CNGB3: variants seen among roughly 807,000 people sequenced by gnomAD.
CNGB3 encodes cyclic nucleotide gated channel subunit beta 3.
CNGB3 carries 86 observed loss-of-function variants against 92.8 expected under a neutral mutation model. The ratio of observed to expected loss-of-function variants is 0.93; its 90% CI spans 0.78 to 1.11. CNGB3 has a LOEUF of 1.11. Among genes scored for constraint, CNGB3 ranks in the 50% least tolerant of loss-of-function variants. The probability of loss-of-function intolerance (pLI) is 0.00; values close to 1 mark genes in which losing one functional copy is unlikely to be tolerated. For synonymous variants in CNGB3, 333 were observed against 332.7 expected (o/e 1.00, Z -0.01); for missense variants, 1,026 against 956.8 (o/e 1.07, Z -0.95).
Position 86,604,327 on chromosome 8 carries a change from C to T in CNGB3, c.1663-116G>A, listed in dbSNP as rs984519712. 7 of 683,508 alleles carry T rather than the reference C, an allele frequency of 1.0e-5. No homozygotes were observed. The African/African-American group carries it at 1.3e-4, about 12-fold the overall frequency. 42.3% of individuals were successfully genotyped at this position (683,508 alleles called of 1,614,324 possible). A position where few individuals can be genotyped will look rare whatever the true frequency, so the allele number is the denominator to read the frequency against. On this transcript the variant is annotated intron_variant, in intron 14 of 17. Coordinates refer to ENST00000320005, the MANE Select transcript of CNGB3 (RefSeq NM_019098.5). ...AAATATAAATGAAGGAAGCAAAGAA[C>T]ATTAGTGTAAAATTAATTATCTTAA...
chr8:86,693,415 T>A (rs1432084931), intron 3 of CNGB3, among the ~76,000 whole-genome samples: 6 of 103,334 alleles, frequency 5.8e-5, no homozygotes, highest in African/African-American at 2.9e-4. Flanking sequence ...CTTTGTTCAT[T>A]TTTTTTTATT....
At position 86,574,314 on chromosome 8, in the gene CNGB3, T is replaced by C. The variant is rs1821616940; in HGVS notation, c.*1490A>G. 6.6e-6 allele frequency: 1 copy of C among 152,182 alleles called. No homozygotes were observed. Among genetic ancestry groups the C allele is most frequent in the Non-Finnish European group, 1.5e-5 (1 of 68,006 alleles). 9.4% of individuals were successfully genotyped at this position (152,182 alleles called of 1,614,324 possible). A position where few individuals can be genotyped will look rare whatever the true frequency, so the allele number is the denominator to read the frequency against. ...TGCTTCAGCCCTATTCTACCTTTTG[T>C]TTCTGGGTTTTTAAATCACCCTTTT... On this transcript the variant is annotated 3_prime_UTR_variant, in exon 18 of 18. Coordinates refer to ENST00000320005, the MANE Select transcript of CNGB3 (RefSeq NM_019098.5).
At chr8:86,638,752 T>C (rs1246074324) in intron 10 of CNGB3, among the ~76,000 whole-genome samples, 1 of 151,980 alleles carries the variant, frequency 6.6e-6, no homozygotes, top group East Asian at 1.9e-4. Flanking sequence ...ATCTGTTGAA[T>C]CTCCTTCTGA....
At chr8:86,703,600 GC>G (rs1279330990) in intron 3 of CNGB3, among the ~76,000 whole-genome samples, 1 of 152,152 alleles carries the variant, frequency 6.6e-6, no homozygotes, top group African/African-American at 2.4e-5. Flanking sequence ...GCCGTTCTAA[GC>G]AGAGTTCAAG....
At chr8:86,604,262 T>C in intron 14 of CNGB3, 51 bp from the exon 15 acceptor site, 1 of 1,138,294 alleles carries the variant, frequency 8.8e-7, no homozygotes, top group Non-Finnish European at 1.3e-6. Flanking sequence ...TCTTGATAAT[T>C]ATGCTGTAAA....
chr8:86,593,820 T>G (rs7012943), intron 15 of CNGB3: 1,036,487 of 1,175,542 alleles, frequency 0.88, 458,744 homozygotes, highest in Non-Finnish European at 0.9. Flanking sequence ...TCCACATCTG[T>G]CAGGTCAGGG....
At chr8:86,689,280 T>C (rs760149481) in intron 3 of CNGB3, among the ~76,000 whole-genome samples, 8 of 151,926 alleles carry the variant, frequency 5.3e-5, no homozygotes, top group Admixed American at 3.3e-4. Context: ...TTCCATAAAA[T>C]TTCATTAGTT....
At chr8:86,600,570 G>T (rs1158500838) in intron 15 of CNGB3, among the ~76,000 whole-genome samples, 1 of 151,646 alleles carries the variant, frequency 6.6e-6, no homozygotes, top group East Asian at 1.9e-4. Context: ...TTACGTAGCT[G>T]CTGGTGATAT....
chr8:86,606,153 T>C (rs1277985707), intron 14 of CNGB3, among the ~76,000 whole-genome samples: 2 of 148,492 alleles, frequency 1.3e-5, no homozygotes, highest in Non-Finnish European at 1.5e-5. Context: ...TTGGTTTTTT[T>C]TTTTTTTTTT....
chr8:86,723,221 A>G (rs564614222), intron 3 of CNGB3, among the ~76,000 whole-genome samples: 1 of 152,252 alleles, frequency 6.6e-6, no homozygotes, highest in South Asian at 2.1e-4. Flanking sequence ...AATAATCCCT[A>G]TTCAGCTCAA....
chr8:86,730,973 A>T (rs991248288), intron 2 of CNGB3, among the ~76,000 whole-genome samples: 2 of 152,206 alleles, frequency 1.3e-5, no homozygotes, highest in African/African-American at 4.8e-5. Flanking sequence ...CTCAGAAGGG[A>T]TGAGAGTTCT....
intron 14 of CNGB3, among the ~76,000 whole-genome samples, chr8:86,605,044 C>T (rs1281278689): frequency 6.6e-6 from 1 of 152,120 alleles, no homozygotes; most frequent in Non-Finnish European, 1.5e-5. Context: ...ATATTTTGCT[C>T]ATGTTTCTGT....
chr8:86,703,119 T>C (rs1824585449), intron 3 of CNGB3, among the ~76,000 whole-genome samples: 1 of 152,188 alleles, frequency 6.6e-6, no homozygotes, highest in African/African-American at 2.4e-5. Flanking sequence ...GTTATTTTCT[T>C]GTGATTTATA....
intron 15 of CNGB3, among the ~76,000 whole-genome samples, chr8:86,598,666 G>C (rs561390273): frequency 6.6e-6 from 1 of 152,256 alleles, no homozygotes; most frequent in East Asian, 1.9e-4. Flanking sequence ...AGTGCTGCCA[G>C]GCATTTCTTG....
chr8:86,643,962 C>T lies in CNGB3; in HGVS notation c.1056-89G>A, dbSNP rs192957602. 1.0e-4 allele frequency: 147 copies of T among 1,421,150 alleles called. No individual in the cohort carries two copies. In the African/African-American group the frequency reaches 1.5e-3, roughly 14 times the overall value. The allele number at this position is 1,421,150 out of a possible 1,614,324, so 88.0% of individuals were successfully genotyped here. A position where few individuals can be genotyped will look rare whatever the true frequency, so the allele number is the denominator to read the frequency against. ...ATTTTCTTTTCCTTAAAGTCACCAG[C>T]GAACCCCTTGCTTTGGATTTGTGAA... is the stretch of plus-strand genomic sequence containing the variant. On this transcript the variant is annotated intron_variant, in intron 9 of 17. Coordinates refer to ENST00000320005, the MANE Select transcript of CNGB3 (RefSeq NM_019098.5).
chr8:86,713,682 C>G lies in CNGB3; in HGVS notation c.338+12849G>C, dbSNP rs533306052. On this transcript the variant is annotated intron_variant, in intron 3 of 17. Transcript: ENST00000320005. ...CATCTCTGATCTTACAATATTAAAA[C>G]TATATAAGTTTAGTATTTGGAGGTT... Among the ~76,000 whole-genome samples the G allele has an allele frequency of 2.6e-5, 4 of 152,220 alleles. No individual in the cohort carries two copies. The South Asian group carries it at 8.3e-4, about 32-fold the overall frequency.
At chr8:86,608,501 C>T (rs575700705) in intron 14 of CNGB3, among the ~76,000 whole-genome samples, 1 of 152,310 alleles carries the variant, frequency 6.6e-6, no homozygotes, top group South Asian at 2.1e-4. Context: ...AGACTCTGCT[C>T]CTCCACCTCT....
rs1339954393 is a variant in CNGB3, at chr8:86,575,192, T to C, written c.*612A>G. 1.3e-5 allele frequency: 2 copies of C among 152,230 alleles called. No individual in the cohort carries two copies. The highest frequency in any genetic ancestry group is 2.9e-5 in the Non-Finnish European group (2 of 68,046). 9.4% of individuals were successfully genotyped at this position (152,230 alleles called of 1,614,324 possible). ...AGTTTGCTAATTCTGCCGACCAACA[T>C]TGGTCTTCAGGGGACTGTTCCAAAA... On this transcript the variant is annotated 3_prime_UTR_variant, in exon 18 of 18. Coordinates refer to ENST00000320005, the MANE Select transcript of CNGB3 (RefSeq NM_019098.5).
At position 86,591,461 on chromosome 8, in the gene CNGB3, C is replaced by G. The variant is rs552288127; in HGVS notation, c.1782-12209G>C. 1.5e-3 allele frequency among the ~76,000 whole-genome samples: 227 copies of G among 150,714 alleles called. 6 individuals are homozygous for G. The highest frequency in any genetic ancestry group is 0.012 in the Admixed American group (187 of 15,108). On this transcript the variant is annotated intron_variant, in intron 15 of 17. Transcript: ENST00000320005. ...TTTTTCTGTTCTGTTTTTTCCCCAT[C>G]TTTGTGGTTTTATCTACTTTTGGTC...
Sources: allele counts gnomAD v4.1 joint callset (sites outside exome capture counted in the v4.1 genomes callset), GRCh38; gene constraint gnomAD v4.1.1; transcripts MANE v1.5; gene names NCBI Gene and HGNC (gene_info 2026-07-23, HGNC 2026-07-21).